Variants in MGMT observed in about 807,000 individuals in gnomAD.
The protein encoded by MGMT is methylated-DNA--protein-cysteine methyltransferase.
A neutral mutation model predicts 15.9 loss-of-function variants in MGMT; 14 were observed. The observed-to-expected ratio is 0.88, with a 90% CI of 0.58 to 1.37. The LOEUF (loss-of-function observed/expected upper bound fraction) is 1.37, where lower values mean the gene tolerates loss of function less well. MGMT is among the 40% of genes most tolerant of loss of function. The pLI is 0.00. For synonymous variants in MGMT, 130 were observed against 118.2 expected, an observed-to-expected ratio of 1.10 and a Z score of -0.65; for missense variants, 282 against 268.1, an observed-to-expected ratio of 1.05 and a Z score of -0.36.
At chr10:129,486,010 CTTAAT>C (rs1255510833) in intron 1 of MGMT, among the ~76,000 whole-genome samples, 2 of 152,280 alleles carry the variant, frequency 1.3e-5, no homozygotes, top group South Asian at 2.1e-4. Context: ...TTCAAGAAGA[CTTAAT>C]TTAAGTTCAT....
chr10:129,755,994 C>T (rs1360343852), intron 3 of MGMT, among the ~76,000 whole-genome samples: 1 of 152,202 alleles, frequency 6.6e-6, no homozygotes, highest in African/African-American at 2.4e-5. Flanking sequence ...GAGCCTTGAG[C>T]TCCACTCCAT....
At chr10:129,512,039 G>A in intron 1 of MGMT, among the ~76,000 whole-genome samples, 1 of 152,192 alleles carries the variant, frequency 6.6e-6, no homozygotes, top group Non-Finnish European at 1.5e-5. Context: ...GGCTGGCCAG[G>A]AAAGGGCAGT....
intron 1 of MGMT, among the ~76,000 whole-genome samples, chr10:129,495,117 A>T (rs1039798910): frequency 6.6e-6 from 1 of 152,208 alleles, no homozygotes. Flanking sequence ...GTTAAACCAG[A>T]TTGTGAATTT....
intron 1 of MGMT, among the ~76,000 whole-genome samples, chr10:129,472,834 C>T (rs915465437): frequency 2.0e-5 from 3 of 152,208 alleles, no homozygotes; most frequent in Non-Finnish European, 2.9e-5. Flanking sequence ...TCTGAGGTCA[C>T]AGTGCATTGT....
At chr10:129,589,961 G>A (rs1280077278) in intron 2 of MGMT, among the ~76,000 whole-genome samples, 1 of 152,232 alleles carries the variant, frequency 6.6e-6, no homozygotes, top group Non-Finnish European at 1.5e-5. Context: ...GATGGCCCAG[G>A]AAGCCCTGGT....
At chr10:129,759,446 G>C in intron 4 of MGMT, 105 bp downstream of exon 4, 2 of 1,554,966 alleles carry the variant, frequency 1.3e-6, no homozygotes, top group Non-Finnish European at 1.8e-6. Context: ...TGTGCTGCTG[G>C]GGTGGGCAGA....
At chr10:129,712,671 T>G (rs1230271918) in intron 3 of MGMT, among the ~76,000 whole-genome samples, 1 of 152,146 alleles carries the variant, frequency 6.6e-6, no homozygotes, top group Admixed American at 6.5e-5. Context: ...TGAGGACTGC[T>G]TGGGTCCTGG....
rs1044035821 is a variant in MGMT, at chr10:129,659,726, A to G, written c.126-48169A>G. ...GCCAGGAGAGCTTTTCTGGAACAGT[A>G]TTAAACTTTAGAAAAAGTGTTCTGA... On this transcript the variant is annotated intron_variant, in intron 2 of 4. Coordinates refer to ENST00000651593, the MANE Select transcript of MGMT (RefSeq NM_002412.5). The surrounding 1 kb of genome is among the most constrained non-coding windows in gnomAD (Gnocchi z 4.1). 1.3e-5 allele frequency among the ~76,000 whole-genome samples: 2 copies of G among 152,240 alleles called. No homozygotes were observed. The highest frequency in any genetic ancestry group is 3.8e-4 in the East Asian group (2 of 5,198).
chr10:129,604,714 C>T (rs916208875), intron 2 of MGMT, among the ~76,000 whole-genome samples: 4 of 150,176 alleles, frequency 2.7e-5, no homozygotes, highest in African/African-American at 9.7e-5. Flanking sequence ...GCAGGCCCCA[C>T]CTGCACCCCA....
chr10:129,507,560 G>T (rs776716208), intron 1 of MGMT, among the ~76,000 whole-genome samples: 10 of 152,186 alleles, frequency 6.6e-5, no homozygotes, highest in Non-Finnish European at 1.3e-4. Context: ...CCAGGAGTGA[G>T]CTCTGCAGTA....
At chr10:129,629,989 A>G (rs948944828) in intron 2 of MGMT, among the ~76,000 whole-genome samples, 6 of 152,392 alleles carry the variant, frequency 3.9e-5, no homozygotes, top group African/African-American at 1.4e-4. Flanking sequence ...GCCCTCACAC[A>G]CACGGATCTG....
intron 1 of MGMT, among the ~76,000 whole-genome samples, chr10:129,511,443 T>C (rs1449183963): frequency 6.7e-6 from 1 of 149,934 alleles, no homozygotes; most frequent in Non-Finnish European, 1.5e-5. Flanking sequence ...CGCAGCCACA[T>C]GCTTCATGTG....
chr10:129,685,863 A>C (rs951899392), intron 2 of MGMT, among the ~76,000 whole-genome samples: 1 of 152,212 alleles, frequency 6.6e-6, no homozygotes, highest in Admixed American at 6.5e-5. Flanking sequence ...TTTCTAAGTA[A>C]TTGAATAAGA....
At chr10:129,580,526 C>G (rs1267204129) in intron 2 of MGMT, among the ~76,000 whole-genome samples, 1 of 152,154 alleles carries the variant, frequency 6.6e-6, no homozygotes, top group Non-Finnish European at 1.5e-5. Flanking sequence ...CGTTCCTAGG[C>G]TGGGGCTCAG....
chr10:129,549,723 T>A (rs1846135164), intron 2 of MGMT, among the ~76,000 whole-genome samples: 3 of 152,198 alleles, frequency 2.0e-5, no homozygotes, highest in Non-Finnish European at 4.4e-5. Flanking sequence ...CGAGTATGAC[T>A]TTGGTGGTGA....
chr10:129,630,343 G>A (rs1847196218), intron 2 of MGMT, among the ~76,000 whole-genome samples: 1 of 152,200 alleles, frequency 6.6e-6, no homozygotes, highest in Non-Finnish European at 1.5e-5. Flanking sequence ...TTGGATTTGA[G>A]CAACATCAAG....
rs563155714 is a variant in MGMT at position 129,533,059 on chromosome 10, G to A, written c.-12-3182G>A. ...CAGGTCCCACGGAGGCAGAGCAGCC[G>A]AGAATCAACGGTGGCCATAGCCACC... On this transcript the variant is annotated intron_variant, in intron 1 of 4. Coordinates refer to ENST00000651593, the MANE Select transcript of MGMT (RefSeq NM_002412.5). The surrounding 1 kb of genome is among the most constrained non-coding windows in gnomAD (Gnocchi z 4.5). Among the ~76,000 whole-genome samples, 83 of 152,238 alleles carry A rather than the reference G, an allele frequency of 5.5e-4. No individual in the cohort carries two copies. Among genetic ancestry groups the A allele is most frequent in the Admixed American group, 1.4e-3 (21 of 15,290 alleles).
intron 1 of MGMT, among the ~76,000 whole-genome samples, chr10:129,497,715 TGGCCTTTGGAGGTGG>T: frequency 1.3e-5 from 2 of 152,298 alleles, no homozygotes; most frequent in Admixed American, 1.3e-4. Context: ...CCCATGGTGA[TGGCCTTTGGAGGTGG>T]GGCCTTTGGG....
At chr10:129,725,572 G>C (rs1213505553) in intron 3 of MGMT, among the ~76,000 whole-genome samples, 1 of 152,210 alleles carries the variant, frequency 6.6e-6, no homozygotes, top group Non-Finnish European at 1.5e-5. Flanking sequence ...GTTTGAGTTT[G>C]TGCACATGGC....
Sources: gnomAD v4.1 joint callset for allele counts (sites outside exome capture counted in the v4.1 genomes callset) on GRCh38, gnomAD v4.1.1 for gene constraint, Gnocchi (gnomAD v3.1) non-coding constraint, MANE v1.5 for transcripts, NCBI Gene and HGNC (gene_info 2026-07-23, HGNC 2026-07-21) for gene names.